The following DENND3 variants were observed in gnomAD, a reference collection of about 807,000 sequenced individuals.
DENND3 encodes the protein DENN domain-containing protein 3.
In DENND3, 88 loss-of-function variants were observed where a neutral mutation model predicts 135.1. That is an observed-to-expected ratio of 0.65 (90% CI 0.55 to 0.78). The LOEUF is 0.78. Among genes scored for constraint, DENND3 ranks in the 30% least tolerant of loss-of-function variants. The pLI is 0.00. For synonymous variants in DENND3, 693 were observed against 712.3 expected, an observed-to-expected ratio of 0.97 and a Z score of 0.43; for missense variants, 1,392 against 1,688.4, an observed-to-expected ratio of 0.82 and a Z score of 3.08.
At chr8:141,178,471 G>A (rs948162594) in intron 16 of DENND3, among the ~76,000 whole-genome samples, 2 of 152,210 alleles carry the variant, frequency 1.3e-5, no homozygotes, top group African/African-American at 4.8e-5. Context: ...AAGCATTTGT[G>A]GTGATTCGTA....
At chr8:141,143,272 T>A (rs186920933) in intron 4 of DENND3, among the ~76,000 whole-genome samples, 38 of 152,362 alleles carry the variant, frequency 2.5e-4, no homozygotes, top group Middle Eastern at 3.4e-3. Flanking sequence ...TAGTTTTTTT[T>A]AAATTTTTTT....
intron 16 of DENND3, among the ~76,000 whole-genome samples, chr8:141,178,939 G>A (rs1589685987): frequency 1.3e-5 from 2 of 152,354 alleles, no homozygotes; most frequent in East Asian, 1.9e-4. Flanking sequence ...GAGCACTGGC[G>A]TGGCCTCTGT....
At chr8:141,171,071 C>G (rs1301722491) in intron 13 of DENND3, among the ~76,000 whole-genome samples, 1 of 152,150 alleles carries the variant, frequency 6.6e-6, no homozygotes, top group African/African-American at 2.4e-5. Context: ...CCATCAGTGG[C>G]CCTGTTGTCA....
Position 141,160,735 on chromosome 8 carries a change from C to T in DENND3, c.1300C>T (p.Leu434Phe). The part of the protein sequence containing the change: ...RAHRRSWQQK[L>F]NCQIQQTTLQ... ...CCACCGGCGGTCCTGGCAGCAGAAA[C>T]TCAACTGCCAGATACAGCAGACCAC... The change falls in exon 9 of 23, where the codon CTC (leucine) becomes TTC (phenylalanine). Residue 434 changes from leucine (L) to phenylalanine (F), a missense_variant. Physicochemically the swap from Leu to Phe is conservative, Grantham distance 22 (BLOSUM62 0). Transcript: ENST00000519811. The T allele has an allele frequency of 6.2e-7, 1 of 1,613,214 alleles. No homozygotes were observed. Among genetic ancestry groups the T allele is most frequent in the Non-Finnish European group, 8.5e-7 (1 of 1,179,860 alleles).
rs201256157 is a variant in DENND3, at chr8:141,189,074, G to T, written c.3173G>T (p.Cys1058Phe). The T allele has an allele frequency of 6.2e-5, 100 of 1,614,186 alleles. 2 individuals are homozygous for T. In the South Asian group the frequency reaches 9.9e-4, roughly 16 times the overall value. ...IYIINVHSMS[C>F]NKQLTAHCSS... ...ATCATCAACGTCCACAGCATGTCCT[G>T]CAACAAGCAGCTCACAGCCCACTGC... The change falls in exon 19 of 23, where the codon TGC (cysteine) becomes TTC (phenylalanine). Residue 1058 changes from cysteine to phenylalanine, a missense_variant. Physicochemically the swap from Cys to Phe is radical, Grantham distance 205. Transcript: ENST00000519811.
At chr8:141,188,036 A>G (rs999458889) in intron 18 of DENND3, among the ~76,000 whole-genome samples, 2 of 144,196 alleles carry the variant, frequency 1.4e-5, no homozygotes, top group African/African-American at 5.2e-5. Flanking sequence ...AAACTGCCAA[A>G]CATCAGCCAG....
intron 20 of DENND3, chr8:141,190,671 C>A: frequency 4.5e-6 from 2 of 446,724 alleles, no homozygotes; most frequent in Admixed American, 4.5e-5. Context: ...CGCACCACTG[C>A]TCTCCTGTCC....
chr8:141,142,107 A>T (rs1817532748), intron 4 of DENND3: 1 of 309,226 alleles, frequency 3.2e-6, no homozygotes. Flanking sequence ...GAGGACGTAA[A>T]GAACTTTTGA....
chr8:141,157,608 C>A, intron 8 of DENND3: 1 of 985,958 alleles, frequency 1.0e-6, no homozygotes, highest in East Asian at 1.1e-4. Flanking sequence ...TTCTCTTCGC[C>A]TTCCTTTGTC....
chr8:141,175,812 A>G lies in DENND3; in HGVS notation c.2535+353A>G. 1 of 327,646 alleles carries G rather than the reference A, an allele frequency of 3.1e-6. No individual in the cohort carries two copies. The highest frequency in any genetic ancestry group is 2.9e-5 in the South Asian group (1 of 34,608). 20.3% of individuals were successfully genotyped at this position (327,646 alleles called of 1,614,324 possible). ...TCATCCATGAGATGTTTACTGAGAA[A>G]CTGCCATGTGCCAGCCACGGTGAGC... On this transcript the variant is annotated intron_variant, in intron 14 of 22. Coordinates refer to ENST00000519811, the MANE Select transcript of DENND3 (RefSeq NM_001352890.3). The surrounding 1 kb of genome is among the most constrained non-coding windows in gnomAD (Gnocchi z 5.4).
intron 16 of DENND3, among the ~76,000 whole-genome samples, chr8:141,180,065 G>A (rs1212818033): frequency 6.6e-6 from 1 of 152,198 alleles, no homozygotes. Context: ...TGGAAACATG[G>A]GTTGGATTGG....
At chr8:141,178,821 T>C (rs148455741) in intron 16 of DENND3, among the ~76,000 whole-genome samples, 142 of 152,328 alleles carry the variant, frequency 9.3e-4, no homozygotes, top group African/African-American at 3.3e-3. Flanking sequence ...TCCCATTTTT[T>C]TCTTGTGAAA....
intron 6 of DENND3, among the ~76,000 whole-genome samples, 167 bp from the exon 7 acceptor site, chr8:141,151,452 T>G (rs889014536): frequency 8.9e-6 from 1 of 112,750 alleles, no homozygotes; most frequent in East Asian, 7.1e-4. Context: ...TCCCATCTGC[T>G]TGGGAGGCCA....
At chr8:141,160,850 G>T in intron 9 of DENND3, 63 bp downstream of exon 9, 1 of 1,553,264 alleles carries the variant, frequency 6.4e-7, no homozygotes, top group South Asian at 1.2e-5. Flanking sequence ...CATTCTATGG[G>T]GATCGTGCAC....
intron 5 of DENND3, among the ~76,000 whole-genome samples, chr8:141,147,895 C>T (rs1818358192): frequency 6.6e-6 from 1 of 152,172 alleles, no homozygotes; most frequent in Non-Finnish European, 1.5e-5. Context: ...ATCTGCGTCC[C>T]GTGCGTGTGT....
At chr8:141,177,738 T>A (rs1822577798) in intron 15 of DENND3, 1 of 236,322 alleles carries the variant, frequency 4.2e-6, no homozygotes, top group African/African-American at 2.2e-5. Context: ...GTCCTGCCTG[T>A]TTGTTTATGA....
Position 141,130,523 on chromosome 8 carries a change from G to A in DENND3, c.102+1714G>A, listed in dbSNP as rs1815900170. 6.6e-6 allele frequency among the ~76,000 whole-genome samples: 1 copy of A among 152,174 alleles called. No individual in the cohort carries two copies. Among genetic ancestry groups the A allele is most frequent in the South Asian group, 2.1e-4 (1 of 4,834 alleles). The stretch of plus-strand genomic sequence containing the variant: ...GGTTTGGCAAAGGGTGGAGAGAAAA[G>A]TAGTGAAGGACTAAGAAAATAAGGA... On this transcript the variant is annotated intron_variant, in intron 1 of 22. Coordinates refer to ENST00000519811, the MANE Select transcript of DENND3 (RefSeq NM_001352890.3). The surrounding 1 kb of genome is among the most constrained non-coding windows in gnomAD (Gnocchi z 4.2).
At chr8:141,184,910 C>T (rs538796466) in intron 17 of DENND3, 22 of 476,174 alleles carry the variant, frequency 4.6e-5, no homozygotes, top group African/African-American at 1.9e-4. Flanking sequence ...CATCTGCCTG[C>T]GGCTCTGACC....
Position 141,190,277 on chromosome 8 carries a change from C to T in DENND3, c.3246-7C>T. Reference sequence around the variant, plus strand: ...TAAAGGTGTGTGTGTGTGTTTTGTGCCCCCAGCAACGTGTACTCGTGCAGC... The same window carrying T: ...TAAAGGTGTGTGTGTGTGTTTTGTGTCCCCAGCAACGTGTACTCGTGCAGC... On this transcript the variant is annotated splice_polypyrimidine_tract_variant and splice_region_variant and intron_variant, in intron 19 of 22. Transcript: ENST00000519811. 1 of 1,577,018 alleles carries T rather than the reference C, an allele frequency of 6.3e-7. No homozygotes were observed. Among genetic ancestry groups the T allele is most frequent in the Non-Finnish European group, 8.6e-7 (1 of 1,159,334 alleles).
Sources: gnomAD v4.1 joint callset for allele counts (sites outside exome capture counted in the v4.1 genomes callset) on GRCh38, gnomAD v4.1.1 for gene constraint, Gnocchi (gnomAD v3.1) non-coding constraint, MANE v1.5 for transcripts, NCBI Gene and HGNC (gene_info 2026-07-23, HGNC 2026-07-21) for gene names.